CXADR: variants seen among roughly 807,000 people sequenced by gnomAD.
The protein encoded by CXADR is coxsackievirus and adenovirus receptor.
In CXADR, 20 loss-of-function variants were observed where a neutral mutation model predicts 40.3. That is an observed-to-expected ratio of 0.50 (90% confidence interval 0.35 to 0.72). CXADR has a LOEUF of 0.72. CXADR is among the 30% of genes least tolerant of loss of function. The pLI is 0.01. For missense variants in CXADR, 332 were observed against 449.1 expected (o/e 0.74, Z 2.36); for synonymous variants, 150 against 161.3 (o/e 0.93, Z 0.53).
chr21:17,614,088 A>G, the CXADR span: 6 of 97,058 alleles, frequency 6.2e-5, no homozygotes, highest in Admixed American at 8.4e-4. Context: ...AAACAGTACA[A>G]TAAACTTTAT....
At chr21:17,540,728 T>A (rs1054270689) in intron 1 of CXADR, among the ~76,000 whole-genome samples, 4 of 152,210 alleles carry the variant, frequency 2.6e-5, no homozygotes, top group African/African-American at 9.6e-5. Flanking sequence ...TCAGCTGCAG[T>A]TCCTAAAAGT....
At chr21:17,571,731 TA>T (rs1569146313), downstream of CXADR, among the ~76,000 whole-genome samples, 1 of 152,198 alleles carries the variant, frequency 6.6e-6, no homozygotes, top group Non-Finnish European at 1.5e-5. Context: ...TAAATATTTA[TA>T]GGGGGAAAAG....
At chr21:17,580,414 T>G (rs1277600695) in intron 7 of CXADR, among the ~76,000 whole-genome samples, 2 of 151,928 alleles carry the variant, frequency 1.3e-5, no homozygotes, top group East Asian at 1.9e-4. Context: ...AGCCCAGGAG[T>G]TGGAGACCAG....
At chr21:17,586,941 A>T (rs1265444609) in intron 7 of CXADR, among the ~76,000 whole-genome samples, 1 of 151,634 alleles carries the variant, frequency 6.6e-6, no homozygotes, top group African/African-American at 2.4e-5. Context: ...TCCTGTGTCC[A>T]TGTGTTCTCG....
intron 1 of CXADR, among the ~76,000 whole-genome samples, chr21:17,531,403 T>G (rs1461004759): frequency 6.6e-6 from 1 of 152,244 alleles, no homozygotes; most frequent in African/African-American, 2.4e-5. Flanking sequence ...GATGTGTTAG[T>G]GCCATCTCAT....
chr21:17,608,480 A>G, the CXADR span, among the ~76,000 whole-genome samples: 1 of 152,084 alleles, frequency 6.6e-6, no homozygotes, highest in Non-Finnish European at 1.5e-5. Context: ...GACTTCTACC[A>G]CAAATATATA....
At chr21:17,581,650 C>T (rs2061360308) in intron 7 of CXADR, among the ~76,000 whole-genome samples, 1 of 64 alleles carries the variant, frequency 0.016, no homozygotes, top group Admixed American at 0.5. Flanking sequence ...TCAAGACCAG[C>T]CAGGGCCAAC....
chr21:17,514,918 C>T (rs1331022632), intron 1 of CXADR, among the ~76,000 whole-genome samples: 1 of 152,068 alleles, frequency 6.6e-6, no homozygotes, highest in Non-Finnish European at 1.5e-5. Context: ...GCCACCATGC[C>T]TGGCAGGAAC....
intron 1 of CXADR, among the ~76,000 whole-genome samples, chr21:17,513,895 AATG>A (rs1343663374): frequency 1.3e-5 from 2 of 152,172 alleles, no homozygotes; most frequent in Non-Finnish European, 2.9e-5. Flanking sequence ...TTGAGTTTGT[AATG>A]AGTCGTTCAT....
chr21:17,567,109 A>ATT lies in CXADR; in HGVS notation c.*1417_*1418insTT. 1 of 983,640 alleles carries ATT rather than the reference A, an allele frequency of 1.0e-6. No homozygotes were observed. The highest frequency in any genetic ancestry group is 1.1e-4 in the East Asian group (1 of 8,792). The allele number at this position is 983,640 out of a possible 1,614,324, so 60.9% of individuals were successfully genotyped here. A position where few individuals can be genotyped will look rare whatever the true frequency, so the allele number is the denominator to read the frequency against. ...TGTGGATACAGTAGAATGAGCCAAC[A>ATT]GTTTCTTTATAATAAATACGGTCTG... is the stretch of plus-strand genomic sequence containing the variant. On this transcript the variant is annotated 3_prime_UTR_variant, in exon 7 of 7. Coordinates refer to ENST00000284878, the MANE Select transcript of CXADR (RefSeq NM_001338.5).
intron 7 of CXADR, among the ~76,000 whole-genome samples, chr21:17,587,199 A>G (rs1262583230): frequency 6.6e-6 from 1 of 152,152 alleles, no homozygotes; most frequent in Non-Finnish European, 1.5e-5. Flanking sequence ...CAATAAACCT[A>G]CGTGTGCATG....
At chr21:17,602,734 G>GT in the CXADR span, among the ~76,000 whole-genome samples, 3 of 152,140 alleles carry the variant, frequency 2.0e-5, no homozygotes, top group Non-Finnish European at 4.4e-5. Context: ...CAAAGTAGCA[G>GT]TTTTTTCCTA....
chr21:17,563,326 T>C (rs1312285442), intron 6 of CXADR, among the ~76,000 whole-genome samples: 1 of 152,084 alleles, frequency 6.6e-6, no homozygotes, highest in Non-Finnish European at 1.5e-5. Context: ...ACTATTCCTT[T>C]TACTTGAACA....
the CXADR span, among the ~76,000 whole-genome samples, chr21:17,630,653 T>TC: frequency 6.7e-6 from 1 of 149,314 alleles, no homozygotes; most frequent in African/African-American, 2.5e-5. Context: ...CCTTCTTCTT[T>TC]TTTTTTTTTT....
intron 4 of CXADR, among the ~76,000 whole-genome samples, chr21:17,560,360 T>C (rs912074421): frequency 6.6e-6 from 1 of 152,200 alleles, no homozygotes; most frequent in Non-Finnish European, 1.5e-5. Flanking sequence ...TTGTATGTTT[T>C]CCTGCTGCAG....
intron 7 of CXADR, among the ~76,000 whole-genome samples, chr21:17,585,620 C>T (rs567989835): frequency 2.6e-5 from 4 of 152,196 alleles, no homozygotes; most frequent in Non-Finnish European, 5.9e-5. Flanking sequence ...CAGGTTCAAG[C>T]GATTCTCCTG....
chr21:17,595,390 CT>C (rs994762989), downstream of CXADR, among the ~76,000 whole-genome samples: 3 of 151,950 alleles, frequency 2.0e-5, no homozygotes, highest in Non-Finnish European at 4.4e-5. Flanking sequence ...GAAAGTCCCT[CT>C]TTTTTTATCT....
the CXADR span, chr21:17,599,017 G>T: frequency 6.0e-6 from 3 of 497,740 alleles, no homozygotes; most frequent in African/African-American, 2.0e-5. Context: ...TCTACTTCTG[G>T]TCTATTTAAG....
At chr21:17,534,100 A>ATATATTTT (rs1179683085) in intron 1 of CXADR, among the ~76,000 whole-genome samples, 12 of 60,074 alleles carry the variant, frequency 2.0e-4, no homozygotes, top group South Asian at 7.2e-4. Context: ...ATATATATAT[A>ATATATTTT]TTTTTTTTTT....
Sources: gnomAD v4.1 joint callset for allele counts (sites outside exome capture counted in the v4.1 genomes callset) on GRCh38, gnomAD v4.1.1 for gene constraint, MANE v1.5 for transcripts, NCBI Gene and HGNC (gene_info 2026-07-23, HGNC 2026-07-21) for gene names.